The following ASTN2 variants were observed in gnomAD, a reference collection of about 807,000 sequenced individuals.
ASTN2 encodes the protein astrotactin 2.
A neutral mutation model predicts 139.8 loss-of-function variants in ASTN2; 54 were observed. That is an observed-to-expected ratio of 0.39 (90% CI 0.31 to 0.48). The LOEUF is 0.48. ASTN2 is among the 20% of genes least tolerant of loss of function. ASTN2 has a pLI of 0.95. For synonymous variants in ASTN2, 756 were observed against 719.5 expected, an observed-to-expected ratio of 1.05 and a Z score of -0.81; for missense variants, 1,565 against 1,725.1, an observed-to-expected ratio of 0.91 and a Z score of 1.64.
intron 10 of ASTN2, among the ~76,000 whole-genome samples, chr9:116,871,082 C>A (rs1035994701): frequency 6.6e-6 from 1 of 152,032 alleles, no homozygotes; most frequent in Non-Finnish European, 1.5e-5. Flanking sequence ...CATGGTTAAA[C>A]CCTGTCTCTA....
intron 11 of ASTN2, among the ~76,000 whole-genome samples, chr9:116,830,444 A>G (rs1831773775): frequency 6.6e-6 from 1 of 152,134 alleles, no homozygotes; most frequent in South Asian, 2.1e-4. Flanking sequence ...AAACAGAACT[A>G]CCATTCAATC....
intron 2 of ASTN2, among the ~76,000 whole-genome samples, chr9:117,236,066 G>C (rs940902369): frequency 6.6e-6 from 1 of 152,136 alleles, no homozygotes; most frequent in East Asian, 1.9e-4. Flanking sequence ...GGTGACATAG[G>C]TATGTTGGGG....
chr9:117,223,768 T>G (rs1225761703), intron 2 of ASTN2, among the ~76,000 whole-genome samples: 1 of 152,244 alleles, frequency 6.6e-6, no homozygotes, highest in African/African-American at 2.4e-5. Context: ...CTCACACCTA[T>G]GTTAATACAT....
intron 17 of ASTN2, among the ~76,000 whole-genome samples, chr9:116,623,694 T>C (rs959204714): frequency 6.6e-6 from 1 of 152,102 alleles, no homozygotes; most frequent in African/African-American, 2.4e-5. Context: ...AACTACTCTA[T>C]CCCTCCGTTA....
At position 117,380,530 on chromosome 9, in the gene ASTN2, A is replaced by T. The variant is rs1284024545; in HGVS notation, c.442+33967T>A. On this transcript the variant is annotated intron_variant, in intron 1 of 22. Transcript: ENST00000313400. Reference sequence around the variant, plus strand: ...TGAGGCAGGAGAATCACTTGAACCCAGGAGGTGGAGGTTGCAGTGAGCTGA... The same window carrying T: ...TGAGGCAGGAGAATCACTTGAACCCTGGAGGTGGAGGTTGCAGTGAGCTGA... Among the ~76,000 whole-genome samples, 3 of 150,884 alleles carry T rather than the reference A, an allele frequency of 2.0e-5. No individual in the cohort carries two copies. The East Asian group carries it at 5.9e-4, about 30-fold the overall frequency.
chr9:117,245,994 T>C (rs561246421), intron 2 of ASTN2, among the ~76,000 whole-genome samples: 31 of 152,178 alleles, frequency 2.0e-4, no homozygotes, highest in African/African-American at 7.0e-4. Context: ...AGCTTCATGA[T>C]GACAAAGACC....
At chr9:117,177,756 T>A (rs1266432337) in intron 3 of ASTN2, among the ~76,000 whole-genome samples, 2 of 152,062 alleles carry the variant, frequency 1.3e-5, no homozygotes, top group Non-Finnish European at 2.9e-5. Context: ...GTGATTAGAG[T>A]CATCATTTTT....
At chr9:116,504,478 T>G (rs1850021465) in intron 19 of ASTN2, 1 of 152,144 alleles carries the variant, frequency 6.6e-6, no homozygotes, top group South Asian at 2.1e-4. Flanking sequence ...TAATAATAAC[T>G]AGTGTTTATT....
intron 2 of ASTN2, among the ~76,000 whole-genome samples, chr9:117,233,707 A>G (rs1421043622): frequency 6.6e-6 from 1 of 152,146 alleles, no homozygotes; most frequent in Non-Finnish European, 1.5e-5. Context: ...ATAGTCAAAC[A>G]AAGGAATTGC....
At chr9:116,868,088 G>A (rs1379493660) in intron 10 of ASTN2, among the ~76,000 whole-genome samples, 2 of 152,104 alleles carry the variant, frequency 1.3e-5, no homozygotes, top group Admixed American at 6.5e-5. Flanking sequence ...CTGCCCTGGG[G>A]TATCAGGATA....
At chr9:116,598,005 T>C (rs1279857039) in intron 19 of ASTN2, among the ~76,000 whole-genome samples, 1 of 152,174 alleles carries the variant, frequency 6.6e-6, no homozygotes, top group African/African-American at 2.4e-5. Flanking sequence ...CTTACAATCT[T>C]GCCTTCATTG....
At chr9:116,945,128 G>A (rs1054019033) in intron 10 of ASTN2, among the ~76,000 whole-genome samples, 3 of 152,138 alleles carry the variant, frequency 2.0e-5, no homozygotes, top group Admixed American at 1.3e-4. Context: ...GCCAGATGTG[G>A]CAAAGTTCAA....
At chr9:117,158,465 T>C (rs1244546458) in intron 3 of ASTN2, among the ~76,000 whole-genome samples, 2 of 152,056 alleles carry the variant, frequency 1.3e-5, no homozygotes, top group Non-Finnish European at 2.9e-5. Flanking sequence ...GGTTGGATGT[T>C]CCCCTTTGCA....
At chr9:117,401,535 G>A (rs747714094) in intron 1 of ASTN2, among the ~76,000 whole-genome samples, 38 of 152,180 alleles carry the variant, frequency 2.5e-4, no homozygotes, top group African/African-American at 5.5e-4. Context: ...ATTGCAGGTC[G>A]TAAACAGGGG....
chr9:116,514,385 G>GT (rs1850545464), intron 19 of ASTN2, among the ~76,000 whole-genome samples: 2 of 151,746 alleles, frequency 1.3e-5, no homozygotes, highest in Admixed American at 1.3e-4. Context: ...GAGTTACCCA[G>GT]CTGTGTGAGG....
intron 2 of ASTN2, among the ~76,000 whole-genome samples, chr9:117,275,012 T>G (rs1002586752): frequency 2.0e-5 from 3 of 152,188 alleles, no homozygotes; most frequent in African/African-American, 7.2e-5. Context: ...ATCTCAGGCT[T>G]TTCATCCAGA....
Position 116,563,006 on chromosome 9 carries a change from G to T in ASTN2, c.3355+55318C>A, listed in dbSNP as rs191062804. ...ACTTGCATTCTGCAGGAGAAGAGATGTAAGTAGACCATTGCAGAGTAATTT... is the reference window on the plus strand; with the variant it reads ...ACTTGCATTCTGCAGGAGAAGAGATTTAAGTAGACCATTGCAGAGTAATTT... On this transcript the variant is annotated intron_variant, in intron 19 of 22. Transcript: ENST00000313400. Among the ~76,000 whole-genome samples the T allele has an allele frequency of 1.3e-3, 196 of 152,242 alleles. 1 individual carries two copies. Among genetic ancestry groups the T allele is most frequent in the Non-Finnish European group, 2.2e-3 (150 of 68,020 alleles).
At chr9:117,377,093 T>A (rs1470953932) in intron 1 of ASTN2, among the ~76,000 whole-genome samples, 1 of 151,812 alleles carries the variant, frequency 6.6e-6, no homozygotes, top group African/African-American at 2.4e-5. Flanking sequence ...ATTCAGGGAG[T>A]TCAGTGGTGG....
At chr9:116,871,171 T>C (rs1833155353) in intron 10 of ASTN2, among the ~76,000 whole-genome samples, 1 of 152,002 alleles carries the variant, frequency 6.6e-6, no homozygotes, top group Admixed American at 6.6e-5. Context: ...GGCAGGAGAA[T>C]CGCTTGAATC....
Sources: allele counts gnomAD v4.1 joint callset (sites outside exome capture counted in the v4.1 genomes callset), GRCh38; gene constraint gnomAD v4.1.1; transcripts MANE v1.5; gene names NCBI Gene and HGNC (gene_info 2026-07-23, HGNC 2026-07-21).